Variants in BTBD1 observed in about 807,000 individuals in gnomAD.
BTBD1 encodes BTB/POZ domain-containing protein 1.
BTBD1 carries 34 observed loss-of-function variants against 48.0 expected under a neutral mutation model. The ratio of observed to expected loss-of-function variants is 0.71; its 90% CI spans 0.54 to 0.94. BTBD1 has a LOEUF of 0.94. BTBD1 is among the 40% of genes least tolerant of loss of function. The pLI is 0.00. For missense variants in BTBD1, 543 were observed against 625.6 expected, an observed-to-expected ratio of 0.87 and a Z score of 1.41; for synonymous variants, 261 against 242.1, an observed-to-expected ratio of 1.08 and a Z score of -0.72.
In BTBD1 at chr15:83,029,969, G is replaced by A. The variant is rs113503767; in HGVS notation, c.1055+167C>T. On this transcript the variant is annotated intron_variant, in intron 5 of 7. Transcript: ENST00000261721. ...CCTCACTCATAAATCAGTGAGGAGGGCAGGATGCCTCAGTGACTTCTTGAC... is the reference window on the plus strand; with the variant it reads ...CCTCACTCATAAATCAGTGAGGAGGACAGGATGCCTCAGTGACTTCTTGAC... 145 of 681,652 alleles carry A rather than the reference G, an allele frequency of 2.1e-4. 1 individual carries two copies. In the African/African-American group the frequency reaches 2.3e-3, roughly 11 times the overall value. 42.2% of individuals were successfully genotyped at this position (681,652 alleles called of 1,614,324 possible).
chr15:83,055,547 T>C (rs965612310), intron 2 of BTBD1, among the ~76,000 whole-genome samples: 38 of 152,294 alleles, frequency 2.5e-4, no homozygotes, highest in Admixed American at 1.8e-3. Flanking sequence ...TTGAGCCATC[T>C]TGCCCAGCCA....
At chr15:83,031,724 G>A (rs1340569026) in intron 4 of BTBD1, among the ~76,000 whole-genome samples, 2 of 151,718 alleles carry the variant, frequency 1.3e-5, no homozygotes, top group African/African-American at 2.4e-5. Context: ...ACACGTATAC[G>A]TATGTAACAA....
chr15:83,018,271 A>C (rs1199613627), intron 7 of BTBD1, 46 bp from the exon 8 acceptor site: 2 of 1,439,418 alleles, frequency 1.4e-6, no homozygotes, highest in Non-Finnish European at 1.9e-6. Flanking sequence ...TTTAATAAGC[A>C]CTCAGTTTAA....
intron 2 of BTBD1, among the ~76,000 whole-genome samples, 153 bp downstream of exon 2, chr15:83,056,236 A>G (rs1299426255): frequency 6.6e-6 from 1 of 152,166 alleles, no homozygotes; most frequent in Non-Finnish European, 1.5e-5. Context: ...AAAATCTTAC[A>G]TATCTGACAT....
chr15:83,037,112 A>G (rs927835715), intron 4 of BTBD1, among the ~76,000 whole-genome samples: 3 of 152,184 alleles, frequency 2.0e-5, no homozygotes, highest in Non-Finnish European at 2.9e-5. Flanking sequence ...TGGAACAAGT[A>G]TAAGTCAGAA....
In BTBD1 at chr15:83,066,782, C is replaced by T. The variant is rs2033284200; in HGVS notation, c.370G>A (p.Val124Met). The T allele has an allele frequency of 1.4e-6, 2 of 1,431,844 alleles. No homozygotes were observed. The highest frequency in any genetic ancestry group is 1.8e-6 in the Non-Finnish European group (2 of 1,097,394). 88.7% of individuals were successfully genotyped at this position (1,431,844 alleles called of 1,614,324 possible). ...TTSAEIELPD[V>M]EPAAFLALLR... ...AGCGCCAGGAAGGCTGCGGGCTCCACGTCCGGCAGCTCGATCTCGGCCGAC... is the reference window on the plus strand; with the variant it reads ...AGCGCCAGGAAGGCTGCGGGCTCCATGTCCGGCAGCTCGATCTCGGCCGAC... The change falls in exon 1 of 8, where the codon GTG (valine) becomes ATG (methionine). Residue 124 changes from valine (V) to methionine (M), a missense_variant. By Grantham distance (21) the Val-to-Met change is conservative. Transcript: ENST00000261721.
intron 3 of BTBD1, among the ~76,000 whole-genome samples, chr15:83,042,350 A>ATATATT (rs2032779446): frequency 1.4e-5 from 1 of 72,560 alleles, no homozygotes; most frequent in Non-Finnish European, 2.7e-5. Flanking sequence ...AGGCAATTTT[A>ATATATT]TATATATATA....
At position 83,056,480 on chromosome 15, in the gene BTBD1, T is replaced by C. The variant is rs1454489819; in HGVS notation, c.467A>G (p.Lys156Arg). 6.2e-7 allele frequency: 1 copy of C among 1,613,302 alleles called. No individual in the cohort carries two copies. Among genetic ancestry groups the C allele is most frequent in the African/African-American group, 1.3e-5 (1 of 74,912 alleles). The part of the protein sequence containing the change: ...ETVMTTLYTA[K>R]KYAVPALEAH... Reference sequence around the variant, plus strand: ...TTCCAAGGCTGGGACTGCGTATTTCTTGGCAGTATAAAGAGTGGTCATAAC... The same window carrying C: ...TTCCAAGGCTGGGACTGCGTATTTCCTGGCAGTATAAAGAGTGGTCATAAC... The change falls in exon 2 of 8, where the codon AAG (lysine) becomes AGG (arginine). Residue 156 changes from lysine (K) to arginine (R), a missense_variant. Transcript: ENST00000261721.
chr15:83,034,090 CA>C (rs748026027), intron 4 of BTBD1, among the ~76,000 whole-genome samples: 175 of 67,166 alleles, frequency 2.6e-3, no homozygotes, highest in Middle Eastern at 8.8e-3. Flanking sequence ...CTGTCTACAC[CA>C]AAAAAAAAAA....
At chr15:83,044,920 G>A (rs1226075585) in intron 3 of BTBD1, 2 of 583,996 alleles carry the variant, frequency 3.4e-6, no homozygotes, top group East Asian at 3.0e-5. Flanking sequence ...AAGTGTCTTG[G>A]ATTAATTAGG....
chr15:83,059,727 C>T (rs544479533), intron 1 of BTBD1, among the ~76,000 whole-genome samples: 12 of 152,188 alleles, frequency 7.9e-5, no homozygotes, highest in Non-Finnish European at 1.2e-4. Flanking sequence ...ACACTACAGG[C>T]ACATGCCACT....
intron 2 of BTBD1, among the ~76,000 whole-genome samples, chr15:83,051,869 CAT>C (rs758487493): frequency 2.3e-5 from 3 of 128,998 alleles, no homozygotes; most frequent in Non-Finnish European, 5.0e-5. Flanking sequence ...ATTTTTTTTC[CAT>C]ATATATACAC....
chr15:83,053,247 G>A (rs530943523), intron 2 of BTBD1, among the ~76,000 whole-genome samples: 1 of 152,218 alleles, frequency 6.6e-6, no homozygotes, highest in South Asian at 2.1e-4. Flanking sequence ...AGAGAAGCTG[G>A]CAAAGGCCCT....
At chr15:83,065,095 C>G (rs561851863) in intron 1 of BTBD1, among the ~76,000 whole-genome samples, 2 of 152,252 alleles carry the variant, frequency 1.3e-5, no homozygotes, top group South Asian at 4.1e-4. Flanking sequence ...TATATCTCAT[C>G]AAGTGAACCT....
chr15:83,054,797 T>C (rs1331983435), intron 2 of BTBD1, among the ~76,000 whole-genome samples: 3 of 152,056 alleles, frequency 2.0e-5, no homozygotes. Flanking sequence ...CTTGGCCTCA[T>C]GATCTGCCCG....
chr15:83,051,873 T>TACACACACACACACACACACACACACAC (rs766997533), intron 2 of BTBD1, among the ~76,000 whole-genome samples: 2 of 23,688 alleles, frequency 8.4e-5, no homozygotes, highest in African/African-American at 3.6e-4. Context: ...TTTTTCCATA[T>TACACACACACACACACACACACACACAC]ATATACACAC....
chr15:83,051,223 T>C (rs897847610), intron 2 of BTBD1, among the ~76,000 whole-genome samples: 5 of 152,162 alleles, frequency 3.3e-5, no homozygotes, highest in Non-Finnish European at 5.9e-5. Context: ...AGGTATTATG[T>C]TGGCTTGGGC....
chr15:83,041,343 T>A (rs1251462630), intron 4 of BTBD1, among the ~76,000 whole-genome samples: 1 of 151,852 alleles, frequency 6.6e-6, no homozygotes, highest in East Asian at 1.9e-4. Flanking sequence ...CTTCTTTTCC[T>A]CTCTGGCGCA....
intron 3 of BTBD1, among the ~76,000 whole-genome samples, chr15:83,046,379 G>A (rs1245937186): frequency 6.6e-6 from 1 of 152,126 alleles, no homozygotes; most frequent in Non-Finnish European, 1.5e-5. Context: ...GTTAAAGTAC[G>A]AAGTTAAAGC....
Sources: allele counts gnomAD v4.1 joint callset (sites outside exome capture counted in the v4.1 genomes callset), GRCh38; gene constraint gnomAD v4.1.1; transcripts MANE v1.5; gene names NCBI Gene and HGNC (gene_info 2026-07-23, HGNC 2026-07-21).